Variants in ATF2 observed in about 807,000 individuals in gnomAD.
ATF2 encodes cyclic AMP-dependent transcription factor ATF-2.
A neutral mutation model predicts 60.6 loss-of-function variants in ATF2; 24 were observed. That is an observed-to-expected ratio of 0.40 (90% CI 0.29 to 0.56). The LOEUF is 0.56. ATF2 is among the 20% of genes least tolerant of loss of function. The pLI, the probability that ATF2 is intolerant of heterozygous loss-of-function variation, is 0.54. For synonymous variants in ATF2, 206 were observed against 215.4 expected (o/e 0.96, Z 0.38); for missense variants, 433 against 607.7 (o/e 0.71, Z 3.02).
chr2:175,106,518 A>C (rs1380778751), intron 10 of ATF2, among the ~76,000 whole-genome samples: 1 of 149,372 alleles, frequency 6.7e-6, no homozygotes, highest in East Asian at 2.0e-4. Context: ...AAAGAGAAAG[A>C]CTGTCCAAAA....
chr2:175,142,186 C>CTTTTT (rs377013083), intron 2 of ATF2, among the ~76,000 whole-genome samples: 15 of 133,022 alleles, frequency 1.1e-4, no homozygotes, highest in Non-Finnish European at 1.1e-4. Context: ...GTTTTCTTTT[C>CTTTTT]TTTTTTTTTT....
At chr2:175,122,205 A>T (rs1210310623) in intron 4 of ATF2, among the ~76,000 whole-genome samples, 1 of 152,010 alleles carries the variant, frequency 6.6e-6, no homozygotes, top group African/African-American at 2.4e-5. Context: ...TTATTTTTAA[A>T]GTTATCCATC....
At chr2:175,164,465 T>G (rs969297059) in intron 1 of ATF2, among the ~76,000 whole-genome samples, 1 of 151,850 alleles carries the variant, frequency 6.6e-6, no homozygotes, top group Non-Finnish European at 1.5e-5. Context: ...ATCCGGGAGG[T>G]GGAGATTGCA....
intron 1 of ATF2, among the ~76,000 whole-genome samples, chr2:175,164,113 A>G (rs1042707636): frequency 2.0e-5 from 3 of 149,774 alleles, no homozygotes; most frequent in African/African-American, 7.3e-5. Context: ...CTTAAAAGTG[A>G]AAATGAATAC....
At chr2:175,127,241 G>GAAA (rs757991273) in intron 4 of ATF2, 20 of 100,844 alleles carry the variant, frequency 2.0e-4, no homozygotes, top group African/African-American at 6.4e-4. Flanking sequence ...CCTGTCTCGA[G>GAAA]AAAAAAAAAA....
chr2:175,099,946 G>C (rs558705207), intron 10 of ATF2, among the ~76,000 whole-genome samples: 5 of 152,354 alleles, frequency 3.3e-5, no homozygotes, highest in Admixed American at 2.6e-4. Flanking sequence ...TAAGGATTTA[G>C]AGTGCCAAAC....
At chr2:175,084,445 G>A (rs1694001346) in intron 12 of ATF2, among the ~76,000 whole-genome samples, 1 of 137,080 alleles carries the variant, frequency 7.3e-6, no homozygotes, top group Non-Finnish European at 1.5e-5. Flanking sequence ...ACCGAACAAT[G>A]AGAACACATG....
chr2:175,115,851 G>T (rs957744956), intron 7 of ATF2, among the ~76,000 whole-genome samples: 6 of 152,152 alleles, frequency 3.9e-5, no homozygotes, highest in Non-Finnish European at 5.9e-5. Context: ...TGAAGGTAAG[G>T]AAGAGTCAGT....
chr2:175,159,311 T>C (rs1258723820), intron 1 of ATF2, among the ~76,000 whole-genome samples: 1 of 149,894 alleles, frequency 6.7e-6, no homozygotes, highest in East Asian at 1.9e-4. Context: ...AGAGCAAGAC[T>C]CCGTCTCAAA....
intron 2 of ATF2, among the ~76,000 whole-genome samples, chr2:175,146,368 T>TA (rs1482198151): frequency 6.6e-6 from 1 of 152,164 alleles, no homozygotes; most frequent in African/African-American, 2.4e-5. Flanking sequence ...TGGAAAAACT[T>TA]AAATGTGACC....
At chr2:175,150,192 T>TAA (rs1699215538) in intron 2 of ATF2, among the ~76,000 whole-genome samples, 1 of 152,214 alleles carries the variant, frequency 6.6e-6, no homozygotes, top group Admixed American at 6.5e-5. Context: ...AATATATAAA[T>TAA]GTATTGACAG....
intron 10 of ATF2, among the ~76,000 whole-genome samples, chr2:175,109,790 CT>C (rs1311538601): frequency 6.6e-6 from 1 of 152,122 alleles, no homozygotes; most frequent in East Asian, 1.9e-4. Context: ...AAAAATGCCC[CT>C]GGTGAAGCTC....
At chr2:175,142,939 T>C (rs1297388430) in intron 2 of ATF2, among the ~76,000 whole-genome samples, 3 of 152,080 alleles carry the variant, frequency 2.0e-5, no homozygotes, top group African/African-American at 7.2e-5. Flanking sequence ...CTTGAAATCC[T>C]GAGCTCAAGT....
At chr2:175,142,720 A>AGAGAGAGAGAGAGT (rs1491359659) in intron 2 of ATF2, among the ~76,000 whole-genome samples, 1 of 71,098 alleles carries the variant, frequency 1.4e-5, no homozygotes, top group African/African-American at 4.7e-5. Context: ...AGAGAGAGAG[A>AGAGAGAGAGAGAGT]GTGTGTGTGT....
In ATF2 at chr2:175,118,237, T is replaced by C. The variant is rs1696721222; in HGVS notation, c.318+14A>G. The C allele has an allele frequency of 3.1e-6, 5 of 1,595,958 alleles. No individual in the cohort carries two copies. The highest frequency in any genetic ancestry group is 3.4e-6 in the Non-Finnish European group (4 of 1,172,420). On this transcript the variant is annotated intron_variant, in intron 6 of 13. Coordinates refer to ENST00000264110, the MANE Select transcript of ATF2 (RefSeq NM_001880.4). Reference sequence around the variant, plus strand: ...TCAGAAGTACTCTTTTTAAATTTCATGGTTACAACATACTTTTTTAATGTC... The same window carrying C: ...TCAGAAGTACTCTTTTTAAATTTCACGGTTACAACATACTTTTTTAATGTC...
At chr2:175,164,426 C>T (rs897681503) in intron 1 of ATF2, among the ~76,000 whole-genome samples, 1 of 151,970 alleles carries the variant, frequency 6.6e-6, no homozygotes, top group African/African-American at 2.4e-5. Flanking sequence ...CCTAGTTATT[C>T]GGGAGGCTCA....
rs759865159 is a variant in ATF2, at chr2:175,093,304, A to G, written c.979-37T>C. 7 of 1,590,904 alleles carry G rather than the reference A, an allele frequency of 4.4e-6. No individual in the cohort carries two copies. The South Asian group carries it at 7.8e-5, about 18-fold the overall frequency. On this transcript the variant is annotated intron_variant, in intron 11 of 13. Coordinates refer to ENST00000264110, the MANE Select transcript of ATF2 (RefSeq NM_001880.4). ...AGAGATGAAAGCCTGTTATATTTGT[A>G]TCTAGTGAGTGAATTAACATAGGCA...
intron 9 of ATF2, among the ~76,000 whole-genome samples, chr2:175,113,385 C>T (rs1355248979): frequency 2.0e-5 from 3 of 151,846 alleles, no homozygotes; most frequent in African/African-American, 7.3e-5. Context: ...GCCCAATACG[C>T]TGGGATTACA....
intron 1 of ATF2, among the ~76,000 whole-genome samples, chr2:175,156,266 G>C (rs1699672341): frequency 6.6e-6 from 1 of 151,476 alleles, no homozygotes. Context: ...AGCTACTCGG[G>C]AGGCTGAGGC....
Sources: allele counts gnomAD v4.1 joint callset (sites outside exome capture counted in the v4.1 genomes callset), GRCh38; gene constraint gnomAD v4.1.1; transcripts MANE v1.5; gene names NCBI Gene and HGNC (gene_info 2026-07-23, HGNC 2026-07-21).